Variants in TRHDE observed in about 807,000 individuals in gnomAD.
The protein encoded by TRHDE is thyrotropin-releasing hormone-degrading ectoenzyme.
A neutral mutation model predicts 125.7 loss-of-function variants in TRHDE; 72 were observed. The ratio of observed to expected loss-of-function variants is 0.57; its 90% CI spans 0.47 to 0.70. TRHDE has a LOEUF of 0.70. Among genes scored for constraint, TRHDE ranks in the 30% least tolerant of loss-of-function variants. The pLI is 0.00. For missense variants in TRHDE, 1,110 were observed against 1,327.1 expected (o/e 0.84, Z 2.54); for synonymous variants, 509 against 509.1 (o/e 1.00, Z 0.00).
At chr12:72,176,186 A>G (rs1296900580) in intron 2 of TRHDE, among the ~76,000 whole-genome samples, 5 of 152,126 alleles carry the variant, frequency 3.3e-5, no homozygotes, top group African/African-American at 1.2e-4. Context: ...GTGAAACCCT[A>G]ACTCTACCAA....
intron 2 of TRHDE, among the ~76,000 whole-genome samples, chr12:72,259,826 C>T (rs529565339): frequency 6.6e-6 from 1 of 152,234 alleles, no homozygotes; most frequent in South Asian, 2.1e-4. Context: ...TTGTGTGGAC[C>T]CTGACACTCA....
chr12:72,290,099 A>C (rs564277880), intron 2 of TRHDE, among the ~76,000 whole-genome samples: 130 of 152,322 alleles, frequency 8.5e-4, no homozygotes, highest in African/African-American at 3.0e-3. Flanking sequence ...TAGTTGGAAG[A>C]GGGAGAAATT....
intron 12 of TRHDE, among the ~76,000 whole-genome samples, chr12:72,609,215 G>T (rs1294601578): frequency 6.6e-6 from 1 of 152,034 alleles, no homozygotes; most frequent in Admixed American, 6.6e-5. Context: ...TCTAATTTGG[G>T]TATTCTATCC....
intron 2 of TRHDE, chr12:72,263,808 G>T (rs184947938): frequency 2.0e-5 from 3 of 152,162 alleles, no homozygotes; most frequent in Non-Finnish European, 4.4e-5. Flanking sequence ...GTTGTTGGTG[G>T]TGTGCTTCCA....
intron 15 of TRHDE, among the ~76,000 whole-genome samples, chr12:72,640,282 C>T (rs1243759984): frequency 1.3e-5 from 2 of 152,228 alleles, no homozygotes; most frequent in Admixed American, 6.5e-5. Context: ...TGCCGTCTGT[C>T]ACCCCTTTCT....
chr12:72,303,674 C>A (rs1868295216), intron 2 of TRHDE, among the ~76,000 whole-genome samples: 1 of 152,112 alleles, frequency 6.6e-6, no homozygotes, highest in Admixed American at 6.6e-5. Context: ...TTGGGATGAT[C>A]TTTGGTGGCT....
intron 2 of TRHDE, among the ~76,000 whole-genome samples, chr12:72,224,126 C>G (rs201752147): frequency 0.11 from 8,620 of 77,136 alleles, 415 homozygotes; most frequent in African/African-American, 0.2. Flanking sequence ...ATCTATCTAT[C>G]TATCTATCTA....
chr12:72,432,924 A>G (rs145989474), intron 3 of TRHDE, among the ~76,000 whole-genome samples: 360 of 152,242 alleles, frequency 2.4e-3, no homozygotes, highest in Non-Finnish European at 4.5e-3. Context: ...GTCTCTTACC[A>G]TTAGGTATAT....
chr12:72,460,536 G>T (rs1476860787), intron 3 of TRHDE, among the ~76,000 whole-genome samples: 4 of 152,080 alleles, frequency 2.6e-5, no homozygotes, highest in Non-Finnish European at 5.9e-5. Flanking sequence ...GCCTAAATCA[G>T]TCTGGCCAGT....
chr12:72,262,961 T>C (rs543314804), intron 2 of TRHDE: 1 of 152,192 alleles, frequency 6.6e-6, no homozygotes, highest in South Asian at 2.1e-4. Context: ...TTAAGAAAAA[T>C]TGAAGACAGA....
chr12:72,463,753 T>G (rs925077542), intron 3 of TRHDE, among the ~76,000 whole-genome samples: 2 of 152,186 alleles, frequency 1.3e-5, no homozygotes, highest in African/African-American at 4.8e-5. Flanking sequence ...AGGAGAGAAC[T>G]GTTATTGCAC....
chr12:72,331,460 T>TA, intron 2 of TRHDE, among the ~76,000 whole-genome samples: 3 of 93,922 alleles, frequency 3.2e-5, no homozygotes, highest in Admixed American at 1.9e-4. Flanking sequence ...AGACATTTCA[T>TA]TACTATGCTA....
intron 2 of TRHDE, among the ~76,000 whole-genome samples, chr12:72,213,022 A>G (rs1877814921): frequency 6.6e-6 from 1 of 152,202 alleles, no homozygotes; most frequent in African/African-American, 2.4e-5. Flanking sequence ...AAATACTGAT[A>G]CATGCTACAA....
chr12:72,461,570 T>G lies in TRHDE; in HGVS notation c.1316-8188T>G, dbSNP rs900343361. On this transcript the variant is annotated intron_variant, in intron 3 of 18. Coordinates refer to ENST00000261180, the MANE Select transcript of TRHDE (RefSeq NM_013381.3). ...TTTTATTCTTAAACACAAATGCATA[T>G]AGACAGTCTTGAGCAACAACCAGTC... Among the ~76,000 whole-genome samples the G allele has an allele frequency of 4.6e-5, 7 of 152,010 alleles. No homozygotes were observed. The East Asian group carries it at 5.8e-4, about 13-fold the overall frequency.
intron 3 of TRHDE, among the ~76,000 whole-genome samples, chr12:72,423,477 C>T (rs188563369): frequency 9.8e-4 from 149 of 152,212 alleles, no homozygotes; most frequent in African/African-American, 3.1e-3. Context: ...CCACTCATAA[C>T]GCAGCAAGAG....
chr12:72,503,645 C>A (rs561774549), intron 6 of TRHDE, among the ~76,000 whole-genome samples: 1 of 152,098 alleles, frequency 6.6e-6, no homozygotes, highest in East Asian at 1.9e-4. Context: ...AGTTGAATTA[C>A]GTATTTACAG....
intron 2 of TRHDE, among the ~76,000 whole-genome samples, chr12:72,150,649 T>C (rs1027103771): frequency 3.3e-5 from 5 of 149,982 alleles, no homozygotes; most frequent in Non-Finnish European, 7.4e-5. Flanking sequence ...ACATGCGGTG[T>C]TTGGTTTTTT....
intron 3 of TRHDE, among the ~76,000 whole-genome samples, chr12:72,422,957 A>G (rs1026467294): frequency 6.6e-6 from 1 of 152,052 alleles, no homozygotes; most frequent in African/African-American, 2.4e-5. Flanking sequence ...TCAACCAATA[A>G]ATTTATATTC....
rs779548189 is a variant in TRHDE at position 72,663,196 on chromosome 12, T to C, written c.*1T>C. 6.9e-6 allele frequency: 11 copies of C among 1,595,700 alleles called. No homozygotes were observed. The Admixed American group carries it at 1.8e-4, about 26-fold the overall frequency. On this transcript the variant is annotated 3_prime_UTR_variant, in exon 19 of 19. Transcript: ENST00000261180. ...GTTAGGAAAAGCTCTAAGACACTAATATATGTATCTTATAAACAAACAATT... is the reference window on the plus strand; with the variant it reads ...GTTAGGAAAAGCTCTAAGACACTAACATATGTATCTTATAAACAAACAATT...
Sources: allele counts gnomAD v4.1 joint callset (sites outside exome capture counted in the v4.1 genomes callset), GRCh38; gene constraint gnomAD v4.1.1; transcripts MANE v1.5; gene names NCBI Gene and HGNC (gene_info 2026-07-23, HGNC 2026-07-21).